Variants in TRERF1 observed in about 807,000 individuals in gnomAD.
The protein encoded by TRERF1 is transcriptional-regulating factor 1.
In TRERF1, 27 loss-of-function variants were observed where a neutral mutation model predicts 122.9. The observed-to-expected ratio is 0.22, with a 90% CI of 0.16 to 0.30. The LOEUF (loss-of-function observed/expected upper bound fraction) is 0.30. Ranked by LOEUF, TRERF1 falls within the 10% of genes least tolerant of loss-of-function variation. TRERF1 has a pLI of 1.00. For missense variants in TRERF1, 1,248 were observed against 1,560.3 expected, an observed-to-expected ratio of 0.80 and a Z score of 3.37; for synonymous variants, 636 against 641.7, an observed-to-expected ratio of 0.99 and a Z score of 0.13.
rs753960616 is a variant in TRERF1, at chr6:42,318,647, C to T, written c.-370-17898G>A. On this transcript the variant is annotated intron_variant, in intron 3 of 17. Coordinates refer to ENST00000372922, the Ensembl canonical transcript of TRERF1. ...GACAACTACAGCCTGAAGGCCAATCCGCTGCCTGTTTATGTAAATAAAGCT... is the reference window on the plus strand; with the variant it reads ...GACAACTACAGCCTGAAGGCCAATCTGCTGCCTGTTTATGTAAATAAAGCT... Among the ~76,000 whole-genome samples, 7 of 152,232 alleles carry T rather than the reference C, an allele frequency of 4.6e-5. No individual in the cohort carries two copies. In the East Asian group the frequency reaches 5.8e-4, roughly 13 times the overall value.
chr6:42,300,946 A>G (rs1399813792), intron 3 of TRERF1, among the ~76,000 whole-genome samples, 197 bp from the exon 4 acceptor site: 1 of 152,222 alleles, frequency 6.6e-6, no homozygotes, highest in Admixed American at 6.5e-5. Flanking sequence ...CAGGCAGGGC[A>G]CTGAGGAATG....
At chr6:42,422,788 C>T (rs1782990791) in intron 2 of TRERF1, among the ~76,000 whole-genome samples, 1 of 151,974 alleles carries the variant, frequency 6.6e-6, no homozygotes, top group African/African-American at 2.4e-5. Flanking sequence ...TGCCCTACTT[C>T]TCCCATGGCC....
rs1470765142 is a variant in TRERF1, at chr6:42,262,433, G to A, written c.1884+887C>T. Among the ~76,000 whole-genome samples, 4 of 11,780 alleles carry A rather than the reference G, an allele frequency of 3.4e-4. 1 individual carries two copies. Among genetic ancestry groups the A allele is most frequent in the African/African-American group, 1.7e-3 (4 of 2,406 alleles). The allele number at this position is 11,780 out of a possible 152,430, so 7.7% of individuals were successfully genotyped here. A position where few individuals can be genotyped will look rare whatever the true frequency, so the allele number is the denominator to read the frequency against. On this transcript the variant is annotated intron_variant, in intron 8 of 17. Coordinates refer to ENST00000372922, the Ensembl canonical transcript of TRERF1. Reference sequence around the variant, plus strand: ...CACACAGGTCACAAATTCCCTAGGGGCAGAGAGAGAGAGAGAGAGAGAGAG... The same window carrying A: ...CACACAGGTCACAAATTCCCTAGGGACAGAGAGAGAGAGAGAGAGAGAGAG...
Position 42,263,159 on chromosome 6 carries a change from C to T in TRERF1, c.1884+161G>A, listed in dbSNP as rs184074322. 6.7e-4 allele frequency: 940 copies of T among 1,396,414 alleles called. No homozygotes were observed. The highest frequency in any genetic ancestry group is 4.9e-3 in the East Asian group (191 of 38,622). The allele number at this position is 1,396,414 out of a possible 1,614,324, so 86.5% of individuals were successfully genotyped here. On this transcript the variant is annotated intron_variant, in intron 8 of 17. Transcript: ENST00000372922. This position sits in a 1 kb window ranked among gnomAD's most constrained non-coding sequence, Gnocchi z 5.6. ...CGGGTTCAGCCCTGAGAGACCAAGC[C>T]GTATCCAAGCTCAGGTCAGTGACTC...
At chr6:42,292,188 C>T (rs558211739) in intron 4 of TRERF1, among the ~76,000 whole-genome samples, 63 of 152,258 alleles carry the variant, frequency 4.1e-4, no homozygotes, top group African/African-American at 1.3e-3. Context: ...TTTGTTTTGA[C>T]GTGGGTTACA....
chr6:42,261,859 A>G (rs1777934044), intron 8 of TRERF1, among the ~76,000 whole-genome samples: 1 of 152,070 alleles, frequency 6.6e-6, no homozygotes, highest in South Asian at 2.1e-4. Flanking sequence ...TGATCTCCTG[A>G]GCAAACTCCC....
rs1769902166 is a variant in TRERF1 at position 42,228,613 on chromosome 6, TCC to T, written c.3333_3334del (p.Glu1112GlyfsTer15). ...CTGAGCCTTTTGCCTCTGTTGTTCC[TCC>T]TGCTGCCTGTGAGTTTTCATGTGTG... On this transcript the variant is annotated frameshift_variant, in exon 18 of 18. Transcript: ENST00000372922. LOFTEE classifies it high-confidence loss of function. The surrounding 1 kb of genome is among the most constrained non-coding windows in gnomAD (Gnocchi z 4.2). The T allele has an allele frequency of 6.2e-7, 1 of 1,613,742 alleles. No individual in the cohort carries two copies. Among genetic ancestry groups the T allele is most frequent in the Non-Finnish European group, 8.5e-7 (1 of 1,179,950 alleles).
At chr6:42,283,313 C>T (rs1782611850) in intron 4 of TRERF1, among the ~76,000 whole-genome samples, 1 of 152,154 alleles carries the variant, frequency 6.6e-6, no homozygotes, top group Non-Finnish European at 1.5e-5. Flanking sequence ...AAGCACTGAG[C>T]ATCGGTTTTG....
chr6:42,225,357 C>T (rs2149439658), exon 18 of TRERF1: 1 of 151,700 alleles, frequency 6.6e-6, no homozygotes, highest in African/African-American at 2.4e-5. Context: ...TTTTGGTTCA[C>T]CTTAACAAAA....
At chr6:42,266,891 A>G (rs1170552157) in intron 5 of TRERF1, among the ~76,000 whole-genome samples, 1 of 152,192 alleles carries the variant, frequency 6.6e-6, no homozygotes, top group Non-Finnish European at 1.5e-5. Context: ...TCTGCTCTCT[A>G]GTTCACAGTC....
chr6:42,374,295 C>T (rs1288479659), intron 2 of TRERF1, among the ~76,000 whole-genome samples: 1 of 152,190 alleles, frequency 6.6e-6, no homozygotes, highest in Non-Finnish European at 1.5e-5. Context: ...ATCAGCTGGG[C>T]TCTCTGGGCT....
intron 3 of TRERF1, among the ~76,000 whole-genome samples, chr6:42,360,879 G>A (rs894616136): frequency 6.0e-5 from 9 of 150,900 alleles, no homozygotes; most frequent in Admixed American, 2.6e-4. Flanking sequence ...CACATGGCAG[G>A]TACATGAGCT....
In TRERF1 at chr6:42,344,995, T is replaced by C. The variant is rs141111242; in HGVS notation, c.-371+18002A>G. Among the ~76,000 whole-genome samples, 125 of 152,352 alleles carry C rather than the reference T, an allele frequency of 8.2e-4. 1 individual carries two copies. In the East Asian group the frequency reaches 0.022, roughly 26 times the overall value. Reference sequence around the variant, plus strand: ...TGGACACGTGGTAAGCATGTGGTATTTGCTGAATGAGTGAGCAAGTGAACC... The same window carrying C: ...TGGACACGTGGTAAGCATGTGGTATCTGCTGAATGAGTGAGCAAGTGAACC... On this transcript the variant is annotated intron_variant, in intron 3 of 17. Transcript: ENST00000372922.
At chr6:42,437,930 ATTTATTT>A (rs2151743733) in intron 2 of TRERF1, among the ~76,000 whole-genome samples, 1 of 150,398 alleles carries the variant, frequency 6.6e-6, no homozygotes, top group South Asian at 2.1e-4. Context: ...TTTATTTATT[ATTTATTT>A]TTGAGACAGA....
chr6:42,384,132 T>A (rs1201801185), intron 2 of TRERF1, among the ~76,000 whole-genome samples: 2 of 152,096 alleles, frequency 1.3e-5, no homozygotes, highest in Non-Finnish European at 2.9e-5. Context: ...GAATTTATCC[T>A]ACAGACATAC....
At chr6:42,343,717 G>C (rs1188233444) in intron 3 of TRERF1, among the ~76,000 whole-genome samples, 3 of 152,256 alleles carry the variant, frequency 2.0e-5, no homozygotes, top group Non-Finnish European at 2.9e-5. Flanking sequence ...TTGGTTGTAT[G>C]TGTTTGTGGT....
chr6:42,232,749 T>G lies in TRERF1; in HGVS notation c.3210A>C (p.Ser1070=). The change falls in exon 17 of 18, where the codon TCA becomes TCC. Residue 1070 remains serine (S), a synonymous_variant. Coordinates refer to ENST00000372922, the Ensembl canonical transcript of TRERF1. This position sits in a 1 kb window ranked among gnomAD's most constrained non-coding sequence, Gnocchi z 4.5. Reference sequence around the variant, plus strand: ...CGCCGCTGGTGGTGCTGTGAGAGGGTGAGCTCTTTACCGAACAGTACCCAC... The same window carrying G: ...CGCCGCTGGTGGTGCTGTGAGAGGGGGAGCTCTTTACCGAACAGTACCCAC... The G allele has an allele frequency of 6.2e-7, 1 of 1,610,920 alleles. No homozygotes were observed. Among genetic ancestry groups the G allele is most frequent in the South Asian group, 1.1e-5 (1 of 90,956 alleles).
At chr6:42,280,922 G>T (rs1482134863) in intron 4 of TRERF1, among the ~76,000 whole-genome samples, 1 of 152,176 alleles carries the variant, frequency 6.6e-6, no homozygotes, top group Non-Finnish European at 1.5e-5. Context: ...ATGCTTCTAA[G>T]AATTCAGTGT....
chr6:42,230,019 C>G (rs34263155), intron 17 of TRERF1, among the ~76,000 whole-genome samples: 9,039 of 152,152 alleles, frequency 0.059, 347 homozygotes, highest in Middle Eastern at 0.085. Flanking sequence ...TCAGAAGAAG[C>G]GTGCCCAGGT....
Sources: allele counts gnomAD v4.1 joint callset (sites outside exome capture counted in the v4.1 genomes callset), GRCh38; gene constraint gnomAD v4.1.1; non-coding constraint Gnocchi (gnomAD v3.1); transcripts MANE v1.5; gene names NCBI Gene and HGNC (gene_info 2026-07-23, HGNC 2026-07-21).